FNBP1: variants seen among roughly 807,000 people sequenced by gnomAD.
FNBP1 encodes formin-binding protein 1.
A neutral mutation model predicts 90.6 loss-of-function variants in FNBP1; 26 were observed. The ratio of observed to expected loss-of-function variants is 0.29; its 90% CI spans 0.21 to 0.40. The LOEUF (loss-of-function observed/expected upper bound fraction) is 0.40, where lower values mean the gene tolerates loss of function less well. Among genes scored for constraint, FNBP1 ranks in the 10% least tolerant of loss-of-function variants. The probability of loss-of-function intolerance (pLI) is 1.00; values close to 1 mark genes in which losing one functional copy is unlikely to be tolerated. For missense variants in FNBP1, 635 were observed against 768.0 expected (o/e 0.83, Z 2.05); for synonymous variants, 260 against 265.2 (o/e 0.98, Z 0.19).
chr9:129,986,797 A>C lies in FNBP1; in HGVS notation c.141-7423T>G, dbSNP rs184399488. Among the ~76,000 whole-genome samples, 9 of 152,138 alleles carry C rather than the reference A, an allele frequency of 5.9e-5. No homozygotes were observed. In the East Asian group the frequency reaches 1.7e-3, roughly 29 times the overall value. ...AGAGCGAGATGCCGTCTCAAGAAAAAAAATTTTAAAAATAAAAAAATAAAA... is the reference window on the plus strand; with the variant it reads ...AGAGCGAGATGCCGTCTCAAGAAAACAAATTTTAAAAATAAAAAAATAAAA... On this transcript the variant is annotated intron_variant, in intron 2 of 16. Coordinates refer to ENST00000446176, the MANE Select transcript of FNBP1 (RefSeq NM_015033.3).
At chr9:130,048,124 A>G (rs1279510023), upstream of FNBP1, among the ~76,000 whole-genome samples, 1 of 150,868 alleles carries the variant, frequency 6.6e-6, no homozygotes, top group East Asian at 2.0e-4. Flanking sequence ...GTTCAAGACC[A>G]GCCTGGGCAA....
At chr9:130,049,132 T>C in the FNBP1 span, among the ~76,000 whole-genome samples, 1 of 149,966 alleles carries the variant, frequency 6.7e-6, no homozygotes, top group Non-Finnish European at 1.5e-5. Flanking sequence ...CTCATGCCTG[T>C]AATCCCAACA....
chr9:129,911,947 A>G (rs76795578), intron 11 of FNBP1, among the ~76,000 whole-genome samples: 1 of 149,548 alleles, frequency 6.7e-6, no homozygotes, highest in East Asian at 1.9e-4. Context: ...AAAAAAAAAA[A>G]CCCAAAAACA....
At chr9:130,024,247 C>A (rs1351524151) in intron 1 of FNBP1, among the ~76,000 whole-genome samples, 1 of 151,422 alleles carries the variant, frequency 6.6e-6, no homozygotes, top group Non-Finnish European at 1.5e-5. Context: ...CTATCTCTAC[C>A]CCCCCCAAAA....
rs779967652 is a variant in FNBP1, at chr9:129,923,961, AGAGGGTGAGGCAGAGGCAG to A, written c.1034_1052del (p.Pro345LeufsTer25). On this transcript the variant is annotated frameshift_variant, in exon 10 of 17. Coordinates refer to ENST00000446176, the MANE Select transcript of FNBP1 (RefSeq NM_015033.3). LOFTEE classifies it high-confidence loss of function. The stretch of plus-strand genomic sequence containing the variant: ...GAGACTGGGGGCCGTTGGGAACAGC[AGAGGGTGAGGCAGAGGCAG>A]GAGGGGGAGGGGGAGGCTGATGGGG... 2.1e-6 allele frequency: 3 copies of A among 1,462,906 alleles called. No homozygotes were observed. Among genetic ancestry groups the A allele is most frequent in the Non-Finnish European group, 2.7e-6 (3 of 1,098,108 alleles). 90.6% of individuals were successfully genotyped at this position (1,462,906 alleles called of 1,614,324 possible).
At chr9:129,947,959 A>G in intron 6 of FNBP1, among the ~76,000 whole-genome samples, 1 of 150,980 alleles carries the variant, frequency 6.6e-6, no homozygotes, top group Non-Finnish European at 1.5e-5. Context: ...ATGAAGTCAT[A>G]ATTCTACTAG....
At chr9:129,913,895 T>G (rs998720762) in intron 11 of FNBP1, among the ~76,000 whole-genome samples, 1 of 152,054 alleles carries the variant, frequency 6.6e-6, no homozygotes, top group Non-Finnish European at 1.5e-5. Context: ...TAGTTTTTTT[T>G]TTTGAGACAG....
chr9:129,966,406 G>C lies in FNBP1; in HGVS notation c.346-7853C>G, dbSNP rs547546648. On this transcript the variant is annotated intron_variant, in intron 4 of 16. Coordinates refer to ENST00000446176, the MANE Select transcript of FNBP1 (RefSeq NM_015033.3). This position sits in a 1 kb window ranked among gnomAD's most constrained non-coding sequence, Gnocchi z 4.3. ...GGCTTGACCATGGACAGCCTCACCA[G>C]CCACGGTAAGCATGTTGGAAGATTT... is the stretch of plus-strand genomic sequence containing the variant. 6.6e-6 allele frequency among the ~76,000 whole-genome samples: 1 copy of C among 152,254 alleles called. No individual in the cohort carries two copies. Among genetic ancestry groups the C allele is most frequent in the African/African-American group, 2.4e-5 (1 of 41,558 alleles).
At chr9:130,011,819 A>G (rs2056643603) in intron 1 of FNBP1, among the ~76,000 whole-genome samples, 2 of 152,242 alleles carry the variant, frequency 1.3e-5, no homozygotes, top group African/African-American at 4.8e-5. Context: ...AAGGCCATAT[A>G]TTATAGATAT....
chr9:130,019,954 G>C (rs1238998404), intron 1 of FNBP1, among the ~76,000 whole-genome samples: 1 of 152,174 alleles, frequency 6.6e-6, no homozygotes, highest in African/African-American at 2.4e-5. Context: ...CAGAACTTGA[G>C]AGTGGCTGCC....
chr9:130,043,188 G>C lies in FNBP1; in HGVS notation c.-213C>G, dbSNP rs902970811. 1 of 374,106 alleles carries C rather than the reference G, an allele frequency of 2.7e-6. No individual in the cohort carries two copies. Among genetic ancestry groups the C allele is most frequent in the East Asian group, 3.9e-5 (1 of 25,762 alleles). The allele number at this position is 374,106 out of a possible 1,614,324, so 23.2% of individuals were successfully genotyped here. On this transcript the variant is annotated 5_prime_UTR_variant, in exon 1 of 17. Transcript: ENST00000446176. ...AAAATGGCCCGAGGAAGCAGCAGCC[G>C]CGGCCGCCGCAGCGCCCGCCCGCCC...
rs1405086993 is a variant in FNBP1, at chr9:129,915,957, T to C, written c.1185+9A>G. 1 of 1,606,796 alleles carries C rather than the reference T, an allele frequency of 6.2e-7. No homozygotes were observed. Among genetic ancestry groups the C allele is most frequent in the Admixed American group, 1.7e-5 (1 of 59,892 alleles). On this transcript the variant is annotated intron_variant, in intron 11 of 16. Coordinates refer to ENST00000446176, the MANE Select transcript of FNBP1 (RefSeq NM_015033.3). The stretch of plus-strand genomic sequence containing the variant: ...AGACTCAGGACATGCATGGAACAAT[T>C]GTGCTTACCAGCTTGAGAGAAAGCT...
chr9:129,917,018 T>C (rs1443069999), intron 10 of FNBP1, among the ~76,000 whole-genome samples: 1 of 149,742 alleles, frequency 6.7e-6, no homozygotes, highest in Non-Finnish European at 1.5e-5. Context: ...CTGTGACTGC[T>C]CTTTTTTTTT....
At chr9:130,001,751 T>C (rs2054884857) in intron 1 of FNBP1, among the ~76,000 whole-genome samples, 1 of 151,710 alleles carries the variant, frequency 6.6e-6, no homozygotes, top group Admixed American at 6.6e-5. Flanking sequence ...TAGCCGGGCA[T>C]GGTGGCTCAC....
intron 11 of FNBP1, among the ~76,000 whole-genome samples, chr9:129,915,379 T>A (rs148831511): frequency 6.6e-6 from 1 of 152,158 alleles, no homozygotes; most frequent in East Asian, 1.9e-4. Context: ...ATATATATAT[T>A]TGGAGACAGA....
chr9:130,018,939 T>C (rs1295063042), intron 1 of FNBP1, among the ~76,000 whole-genome samples: 1 of 152,076 alleles, frequency 6.6e-6, no homozygotes, highest in African/African-American at 2.4e-5. Flanking sequence ...AAAAAGATGA[T>C]TAGGGCTGGG....
chr9:129,908,739 G>C (rs749565525), intron 12 of FNBP1, 151 bp downstream of exon 12: 41 of 548,008 alleles, frequency 7.5e-5, no homozygotes, highest in Non-Finnish European at 1.3e-4. Flanking sequence ...TTTTAGTAGA[G>C]ACGGGGTTTC....
rs897224802 is a variant in FNBP1, at chr9:129,888,633, G to A, written c.*1906C>T. The stretch of plus-strand genomic sequence containing the variant: ...CCCCCCCGGGGAAGAAGCAGTCAGA[G>A]AGGCTCACGCTCACCTACTTTAAAA... On this transcript the variant is annotated 3_prime_UTR_variant, in exon 17 of 17. Transcript: ENST00000446176. 4.3e-6 allele frequency: 1 copy of A among 233,002 alleles called. No individual in the cohort carries two copies. Among genetic ancestry groups the A allele is most frequent in the Non-Finnish European group, 8.5e-6 (1 of 117,964 alleles). The allele number at this position is 233,002 out of a possible 1,614,324, so 14.4% of individuals were successfully genotyped here.
rs2059894293 is a variant in FNBP1, at chr9:130,042,269, G to C, written c.24+683C>G. Among the ~76,000 whole-genome samples the C allele has an allele frequency of 6.6e-6, 1 of 152,256 alleles. No homozygotes were observed. The highest frequency in any genetic ancestry group is 2.1e-4 in the South Asian group (1 of 4,826). ...TGACCCCGCGAACGCCTCTTCCTGA[G>C]GTAGATCACGTAAGATCTCTCCCTA... On this transcript the variant is annotated intron_variant, in intron 1 of 16. Coordinates refer to ENST00000446176, the MANE Select transcript of FNBP1 (RefSeq NM_015033.3). This position sits in a 1 kb window ranked among gnomAD's most constrained non-coding sequence, Gnocchi z 5.5.
Sources: allele counts gnomAD v4.1 joint callset (sites outside exome capture counted in the v4.1 genomes callset), GRCh38; gene constraint gnomAD v4.1.1; non-coding constraint Gnocchi (gnomAD v3.1); transcripts MANE v1.5; gene names NCBI Gene and HGNC (gene_info 2026-07-23, HGNC 2026-07-21).